The following CORO1C variants were observed in gnomAD, a reference collection of about 807,000 sequenced individuals.
The protein encoded by CORO1C is coronin-1C.
A neutral mutation model predicts 51.2 loss-of-function variants in CORO1C; 14 were observed. That is an observed-to-expected ratio of 0.27 (90% CI 0.18 to 0.43). The LOEUF is 0.43. Ranked by LOEUF, CORO1C falls within the 20% of genes least tolerant of loss-of-function variation. The pLI is 1.00. For synonymous variants in CORO1C, 181 were observed against 210.5 expected (o/e 0.86, Z 1.21); for missense variants, 417 against 607.8 (o/e 0.69, Z 3.30).
intron 2 of CORO1C, among the ~76,000 whole-genome samples, chr12:108,685,683 A>C (rs2034269494): frequency 6.6e-6 from 1 of 152,164 alleles, no homozygotes; most frequent in Admixed American, 6.5e-5. Context: ...GTTAATAAAA[A>C]ATGATATTCT....
rs1169335890 is a variant in CORO1C, at chr12:108,667,249, C to T, written c.319-5091G>A. Among the ~76,000 whole-genome samples the T allele has an allele frequency of 2.6e-5, 4 of 152,026 alleles. No individual in the cohort carries two copies. The East Asian group carries it at 5.8e-4, about 22-fold the overall frequency. Reference sequence around the variant, plus strand: ...TTAATTAATACTAACTAATTTACACCCAAGATATCATTATGTGTGAAAGCT... The same window carrying T: ...TTAATTAATACTAACTAATTTACACTCAAGATATCATTATGTGTGAAAGCT... On this transcript the variant is annotated intron_variant, in intron 3 of 10. Coordinates refer to ENST00000261401, the MANE Select transcript of CORO1C (RefSeq NM_014325.4).
chr12:108,707,672 G>T (rs2035064379), intron 1 of CORO1C, among the ~76,000 whole-genome samples: 2 of 152,056 alleles, frequency 1.3e-5, no homozygotes, highest in African/African-American at 4.8e-5. Context: ...ATGCCTCAAA[G>T]GACACTATCA....
intron 2 of CORO1C, among the ~76,000 whole-genome samples, chr12:108,693,137 C>T (rs1157152202): frequency 3.3e-5 from 5 of 151,968 alleles, no homozygotes; most frequent in African/African-American, 4.8e-5. Flanking sequence ...AAGAAAAATT[C>T]GTTCACACTC....
At chr12:108,691,084 A>G (rs1192192027) in intron 2 of CORO1C, among the ~76,000 whole-genome samples, 3 of 151,346 alleles carry the variant, frequency 2.0e-5, no homozygotes, top group Non-Finnish European at 4.4e-5. Context: ...GAAAAATATT[A>G]CAACTTTTTT....
chr12:108,676,251 A>C (rs1005978416), intron 3 of CORO1C, among the ~76,000 whole-genome samples: 1 of 152,182 alleles, frequency 6.6e-6, no homozygotes, highest in Non-Finnish European at 1.5e-5. Flanking sequence ...AGGTTGGGAA[A>C]GTTCTACTTT....
At chr12:108,653,082 T>C (rs1186447717) in intron 7 of CORO1C, 1 of 152,274 alleles carries the variant, frequency 6.6e-6, no homozygotes. Flanking sequence ...GAGATATACA[T>C]ATATGTAAGA....
At chr12:108,711,207 A>T (rs2035169560) in intron 1 of CORO1C, among the ~76,000 whole-genome samples, 1 of 151,388 alleles carries the variant, frequency 6.6e-6, no homozygotes, top group African/African-American at 2.4e-5. Flanking sequence ...TACAAAAAAT[A>T]AAAAAAAATT....
intron 3 of CORO1C, among the ~76,000 whole-genome samples, chr12:108,674,552 TAAAA>T (rs60922936): frequency 7.5e-6 from 1 of 132,598 alleles, no homozygotes; most frequent in African/African-American, 2.8e-5. Context: ...CGTCTCAATT[TAAAA>T]AAAAAAAAAA....
chr12:108,667,743 A>G (rs986189421), intron 3 of CORO1C, among the ~76,000 whole-genome samples: 3 of 152,186 alleles, frequency 2.0e-5, no homozygotes, highest in Admixed American at 6.5e-5. Flanking sequence ...CCTACATGAA[A>G]AAGTGAATCC....
intron 3 of CORO1C, among the ~76,000 whole-genome samples, chr12:108,665,579 C>A (rs752501806): frequency 1.3e-4 from 20 of 152,082 alleles, no homozygotes; most frequent in Admixed American, 1.1e-3. Flanking sequence ...AGAGTGAGCA[C>A]CAGAGTCAGG....
intron 2 of CORO1C, among the ~76,000 whole-genome samples, chr12:108,696,985 T>C (rs937449819): frequency 6.6e-6 from 1 of 152,260 alleles, no homozygotes; most frequent in African/African-American, 2.4e-5. Context: ...TTGCTGCATA[T>C]GTGTGTGTCT....
intron 4 of CORO1C, among the ~76,000 whole-genome samples, chr12:108,660,221 G>T (rs1331071058): frequency 6.6e-6 from 1 of 152,236 alleles, no homozygotes; most frequent in Non-Finnish European, 1.5e-5. Flanking sequence ...GGAGGCCGAG[G>T]CGGGCAGATC....
At chr12:108,703,174 C>T in intron 1 of CORO1C, 2 of 388,190 alleles carry the variant, frequency 5.2e-6, no homozygotes, top group Non-Finnish European at 9.1e-6. Flanking sequence ...GTTATAGAAG[C>T]TGCAATCCCT....
At chr12:108,675,945 CA>C (rs2033891834) in intron 3 of CORO1C, among the ~76,000 whole-genome samples, 1 of 152,168 alleles carries the variant, frequency 6.6e-6, no homozygotes, top group African/African-American at 2.4e-5. Context: ...CATGAGGGTA[CA>C]ATCAGCAAAA....
At chr12:108,684,969 C>T (rs1425612425) in intron 2 of CORO1C, among the ~76,000 whole-genome samples, 1 of 152,116 alleles carries the variant, frequency 6.6e-6, no homozygotes, top group Non-Finnish European at 1.5e-5. Flanking sequence ...CAGGAAACCA[C>T]ATTTGGCATC....
intron 1 of CORO1C, among the ~76,000 whole-genome samples, chr12:108,702,558 G>C (rs1409195814): frequency 6.6e-6 from 1 of 152,166 alleles, no homozygotes; most frequent in Non-Finnish European, 1.5e-5. Flanking sequence ...TGTTCATGTT[G>C]GTTAGATAGA....
intron 6 of CORO1C, among the ~76,000 whole-genome samples, chr12:108,656,257 T>C (rs541212312): frequency 3.8e-4 from 57 of 148,442 alleles, no homozygotes; most frequent in African/African-American, 1.3e-3. Flanking sequence ...GGAGCGTCTC[T>C]GCCCGGCAGC....
chr12:108,659,968 G>A (rs1329883115), intron 4 of CORO1C, among the ~76,000 whole-genome samples: 2 of 152,136 alleles, frequency 1.3e-5, no homozygotes, highest in East Asian at 3.8e-4. Flanking sequence ...TTCCTTCAAG[G>A]GTCTGCCCCA....
At chr12:108,704,196 C>T (rs935009222) in intron 1 of CORO1C, among the ~76,000 whole-genome samples, 2 of 152,044 alleles carry the variant, frequency 1.3e-5, no homozygotes, top group African/African-American at 4.8e-5. Context: ...AAGTGATTTC[C>T]ACCAGGCGCA....
Sources: gnomAD v4.1 joint callset for allele counts (sites outside exome capture counted in the v4.1 genomes callset) on GRCh38, gnomAD v4.1.1 for gene constraint, MANE v1.5 for transcripts, NCBI Gene and HGNC (gene_info 2026-07-23, HGNC 2026-07-21) for gene names.